The following PARD3B variants were observed in gnomAD, a reference collection of about 807,000 sequenced individuals.
The protein encoded by PARD3B is partitioning defective 3 homolog B.
A neutral mutation model predicts 130.2 loss-of-function variants in PARD3B; 103 were observed. The observed-to-expected ratio is 0.79, with a 90% confidence interval of 0.67 to 0.93. The LOEUF (loss-of-function observed/expected upper bound fraction) is 0.93, where lower values mean the gene tolerates loss of function less well. Among genes scored for constraint, PARD3B ranks in the 40% least tolerant of loss-of-function variants. PARD3B has a pLI of 0.00. For missense variants in PARD3B, 1,609 were observed against 1,499.2 expected (o/e 1.07, Z -1.21); for synonymous variants, 583 against 553.2 (o/e 1.05, Z -0.76).
intron 2 of PARD3B, among the ~76,000 whole-genome samples, chr2:204,784,840 T>C (rs2041953215): frequency 6.6e-6 from 1 of 152,216 alleles, no homozygotes; most frequent in Admixed American, 6.5e-5. Flanking sequence ...ACAATGAGAT[T>C]TTTCATCAAT....
intron 14 of PARD3B, among the ~76,000 whole-genome samples, chr2:205,188,117 A>G (rs1434721056): frequency 1.3e-5 from 2 of 152,240 alleles, no homozygotes; most frequent in African/African-American, 2.4e-5. Flanking sequence ...ACAAAATGCA[A>G]TGGGAGCCTA....
At chr2:205,349,822 A>T (rs868393074) in intron 18 of PARD3B, among the ~76,000 whole-genome samples, 140 of 36,416 alleles carry the variant, frequency 3.8e-3, no homozygotes, top group South Asian at 0.032. Flanking sequence ...TTTTTTTTTA[A>T]AAAAAGAGGA....
intron 16 of PARD3B, among the ~76,000 whole-genome samples, chr2:205,278,186 T>C (rs1406076871): frequency 6.6e-6 from 1 of 152,104 alleles, no homozygotes; most frequent in Non-Finnish European, 1.5e-5. Flanking sequence ...TAGGGAAGCC[T>C]TGGAGCTAGA....
At position 205,590,011 on chromosome 2, in the gene PARD3B, G is replaced by A. The variant is rs771025732; in HGVS notation, c.3261-25445G>A. ...TTTCTCCCCCAAGGTGGTTTCCAAA[G>A]TGAATGACCACTGGCTCTTTCTAAG... On this transcript the variant is annotated intron_variant, in intron 22 of 22. Transcript: ENST00000406610. The surrounding 1 kb of genome is among the most constrained non-coding windows in gnomAD (Gnocchi z 4.1). Among the ~76,000 whole-genome samples, 2 of 152,120 alleles carry A rather than the reference G, an allele frequency of 1.3e-5. No individual in the cohort carries two copies. Among genetic ancestry groups the A allele is most frequent in the Non-Finnish European group, 2.9e-5 (2 of 68,030 alleles).
At chr2:204,987,335 T>A (rs1234712190) in intron 3 of PARD3B, among the ~76,000 whole-genome samples, 2 of 152,234 alleles carry the variant, frequency 1.3e-5, no homozygotes, top group African/African-American at 2.4e-5. Flanking sequence ...GAAGATATTT[T>A]ATCTTGAATT....
chr2:205,556,000 A>G (rs2106505802), intron 22 of PARD3B, among the ~76,000 whole-genome samples: 1 of 152,262 alleles, frequency 6.6e-6, no homozygotes, highest in East Asian at 1.9e-4. Flanking sequence ...TCTGAGTGCC[A>G]GTGACATTTA....
chr2:205,349,471 A>G (rs1301825553), intron 18 of PARD3B, among the ~76,000 whole-genome samples: 1 of 152,220 alleles, frequency 6.6e-6, no homozygotes, highest in African/African-American at 2.4e-5. Flanking sequence ...TACTTCATCA[A>G]TAATTTTTTT....
At chr2:205,598,987 A>G (rs1161528132) in intron 22 of PARD3B, among the ~76,000 whole-genome samples, 1 of 152,228 alleles carries the variant, frequency 6.6e-6, no homozygotes, top group Non-Finnish European at 1.5e-5. Context: ...GAAAGTTTGT[A>G]GCACTAAATG....
rs1003204963 is a variant in PARD3B, at chr2:205,078,915, A to G, written c.505-25511A>G. Among the ~76,000 whole-genome samples the G allele has an allele frequency of 6.6e-6, 1 of 152,220 alleles. No homozygotes were observed. Among genetic ancestry groups the G allele is most frequent in the South Asian group, 2.1e-4 (1 of 4,830 alleles). ...GCAGATCTCCCAGCTTCCAGCTCGCATCAATGGCCAGCCACGTAAGTGAGC... is the reference window on the plus strand; with the variant it reads ...GCAGATCTCCCAGCTTCCAGCTCGCGTCAATGGCCAGCCACGTAAGTGAGC... On this transcript the variant is annotated intron_variant, in intron 4 of 22. Coordinates refer to ENST00000406610, the MANE Select transcript of PARD3B (RefSeq NM_001302769.2). The surrounding 1 kb of genome is among the most constrained non-coding windows in gnomAD (Gnocchi z 4.0).
At chr2:205,442,204 A>C (rs1165231355) in intron 20 of PARD3B, among the ~76,000 whole-genome samples, 1 of 151,110 alleles carries the variant, frequency 6.6e-6, no homozygotes, top group Non-Finnish European at 1.5e-5. Flanking sequence ...AATAAATGTG[A>C]GGCATTTTAT....
chr2:204,702,942 CTG>C (rs1326290724), intron 2 of PARD3B, among the ~76,000 whole-genome samples: 1 of 152,036 alleles, frequency 6.6e-6, no homozygotes, highest in Non-Finnish European at 1.5e-5. Context: ...AATGTGAAAA[CTG>C]TTATTGTTGA....
chr2:204,553,659 T>TAA (rs2030672125), intron 1 of PARD3B, among the ~76,000 whole-genome samples: 1 of 12,620 alleles, frequency 7.9e-5, no homozygotes, highest in Non-Finnish European at 3.1e-4. Context: ...TCCATATATA[T>TAA]ATATATATAT....
intron 2 of PARD3B, among the ~76,000 whole-genome samples, chr2:204,861,462 C>T (rs1400853809): frequency 6.6e-6 from 1 of 151,920 alleles, no homozygotes; most frequent in East Asian, 1.9e-4. Context: ...GTTAAATCTC[C>T]TAGCTCACTG....
chr2:204,659,488 C>A (rs572957265), intron 1 of PARD3B, among the ~76,000 whole-genome samples: 6 of 152,054 alleles, frequency 3.9e-5, no homozygotes, highest in Admixed American at 6.6e-5. Flanking sequence ...GATAGGTGGC[C>A]AAGTGGAGGG....
At chr2:204,591,478 T>C (rs781194075) in intron 1 of PARD3B, among the ~76,000 whole-genome samples, 1 of 152,232 alleles carries the variant, frequency 6.6e-6, no homozygotes, top group Non-Finnish European at 1.5e-5. Flanking sequence ...CAAATATGAA[T>C]GCCCAGTGAT....
At chr2:204,988,047 G>T (rs1693326197) in intron 3 of PARD3B, among the ~76,000 whole-genome samples, 1 of 152,002 alleles carries the variant, frequency 6.6e-6, no homozygotes, top group African/African-American at 2.4e-5. Flanking sequence ...GTCCAGTGGG[G>T]GTCATCACAT....
chr2:205,157,541 G>A (rs553548196), intron 10 of PARD3B, among the ~76,000 whole-genome samples: 20 of 152,202 alleles, frequency 1.3e-4, no homozygotes, highest in African/African-American at 4.1e-4. Context: ...GCTGTGATCC[G>A]ACCTCTTAAT....
At chr2:205,119,652 C>T (rs181474961) in intron 7 of PARD3B, among the ~76,000 whole-genome samples, 45 of 152,052 alleles carry the variant, frequency 3.0e-4, no homozygotes, top group Middle Eastern at 3.4e-3. Context: ...CGTGGTGGTA[C>T]GCGCCTGTAA....
intron 2 of PARD3B, among the ~76,000 whole-genome samples, chr2:204,897,075 GT>G (rs1236993179): frequency 2.0e-4 from 31 of 152,112 alleles, no homozygotes; most frequent in Admixed American, 2.0e-3. Flanking sequence ...TATTTTAAGT[GT>G]TTTTCCCTTA....
Sources: gnomAD v4.1 joint callset for allele counts (sites outside exome capture counted in the v4.1 genomes callset) on GRCh38, gnomAD v4.1.1 for gene constraint, Gnocchi (gnomAD v3.1) non-coding constraint, MANE v1.5 for transcripts, NCBI Gene and HGNC (gene_info 2026-07-23, HGNC 2026-07-21) for gene names.